GTF3C3: variants seen among roughly 807,000 people sequenced by gnomAD.
GTF3C3 encodes the protein general transcription factor 3C polypeptide 3.
In GTF3C3, 75 loss-of-function variants were observed where a neutral mutation model predicts 105.2. The ratio of observed to expected loss-of-function variants is 0.71; its 90% CI spans 0.59 to 0.86. The LOEUF (loss-of-function observed/expected upper bound fraction) is 0.86, where lower values mean the gene tolerates loss of function less well. Among genes scored for constraint, GTF3C3 ranks in the 40% least tolerant of loss-of-function variants. The pLI is 0.00. For synonymous variants in GTF3C3, 335 were observed against 370.4 expected, an observed-to-expected ratio of 0.90 and a Z score of 1.10; for missense variants, 856 against 1,076.5, an observed-to-expected ratio of 0.80 and a Z score of 2.87.
chr2:196,780,403 T>C, intron 9 of GTF3C3, 156 bp downstream of exon 9: 2 of 1,286,424 alleles, frequency 1.6e-6, no homozygotes, highest in Non-Finnish European at 2.0e-6. Context: ...TTAGTTTTTA[T>C]AAGATATTCA....
At chr2:196,780,702 G>A (rs374447582) in intron 8 of GTF3C3, 40 bp from the exon 9 acceptor site, 145 of 1,585,892 alleles carry the variant, frequency 9.1e-5, no homozygotes, top group Non-Finnish European at 1.7e-5. Context: ...CTATATGCAA[G>A]CTTGAGATGT....
chr2:196,776,641 TTAAAA>T lies in GTF3C3; in HGVS notation c.1391-17_1391-13del. ...GGCCTTTAAACATTCTAAGATGATG[TTAAAA>T]TAAAGCAAAAGTATGAACTACAGAT... On this transcript the variant is annotated splice_polypyrimidine_tract_variant and intron_variant, in intron 10 of 17. Transcript: ENST00000263956. The surrounding 1 kb of genome is among the most constrained non-coding windows in gnomAD (Gnocchi z 4.5). 6.3e-7 allele frequency: 1 copy of T among 1,588,646 alleles called. No homozygotes were observed. The highest frequency in any genetic ancestry group is 8.6e-7 in the Non-Finnish European group (1 of 1,159,520).
chr2:196,793,475 G>A (rs1390690146), intron 2 of GTF3C3, among the ~76,000 whole-genome samples: 1 of 152,112 alleles, frequency 6.6e-6, no homozygotes, highest in Admixed American at 6.5e-5. Context: ...AACTAAACAA[G>A]CCTAGCAGTA....
chr2:196,765,660 T>C (rs1699049294), intron 17 of GTF3C3, among the ~76,000 whole-genome samples: 1 of 150,936 alleles, frequency 6.6e-6, no homozygotes. Flanking sequence ...TAAATTTATA[T>C]ATAAAAACAG....
chr2:196,763,798 A>AAAG lies in GTF3C3; in HGVS notation c.*762_*764dup, dbSNP rs1204284315. The AAAG allele has an allele frequency of 9.2e-5, 14 of 152,366 alleles. No homozygotes were observed. The highest frequency in any genetic ancestry group is 5.8e-4 in the East Asian group (3 of 5,190). 9.4% of individuals were successfully genotyped at this position (152,366 alleles called of 1,614,324 possible). On this transcript the variant is annotated 3_prime_UTR_variant, in exon 18 of 18. Coordinates refer to ENST00000263956, the MANE Select transcript of GTF3C3 (RefSeq NM_012086.5). ...TGGAGATGAGTAAACAAACAAAAAA[A>AAAG]AAGTTTTTTACTTTATCAATCAGCA...
Position 196,764,409 on chromosome 2 carries a change from A to G in GTF3C3, c.*154T>C, listed in dbSNP as rs1699022705. On this transcript the variant is annotated 3_prime_UTR_variant, in exon 18 of 18. Transcript: ENST00000263956. ...GGAATAATTTTGCATATATACCACA[A>G]GATCATTATCACATATTAAAAATAA... 3.0e-6 allele frequency: 2 copies of G among 675,536 alleles called. No homozygotes were observed. Among genetic ancestry groups the G allele is most frequent in the African/African-American group, 3.6e-5 (2 of 55,554 alleles). The allele number at this position is 675,536 out of a possible 1,614,324, so 41.8% of individuals were successfully genotyped here.
intron 6 of GTF3C3, among the ~76,000 whole-genome samples, chr2:196,785,913 C>A (rs184464718): frequency 3.3e-5 from 5 of 152,250 alleles, no homozygotes; most frequent in Admixed American, 2.6e-4. Flanking sequence ...ATTGCCTACA[C>A]CCCGCCTGGG....
At chr2:196,769,862 T>TATTC (rs1699141381) in intron 16 of GTF3C3, 53 bp downstream of exon 16, 1 of 1,435,322 alleles carries the variant, frequency 7.0e-7, no homozygotes, top group Non-Finnish European at 9.7e-7. Context: ...GTATTAAGTA[T>TATTC]ATTCATTTTT....
At position 196,785,488 on chromosome 2, in the gene GTF3C3, C is replaced by A. The variant is rs543355719; in HGVS notation, c.994G>T (p.Ala332Ser). The change falls in exon 7 of 18, where the codon GCA becomes TCA. Residue 332 changes from alanine to serine, a missense_variant. Transcript: ENST00000263956. ...GLVSMEDVNI[A>S]AELYISNKQY... Reference sequence around the variant, plus strand: ...TTGTTAGAAATATATAGTTCAGCTGCTATGTTAACATCTTCCATGGAGACT... The same window carrying A: ...TTGTTAGAAATATATAGTTCAGCTGATATGTTAACATCTTCCATGGAGACT... 1.6e-5 allele frequency: 26 copies of A among 1,610,534 alleles called. No homozygotes were observed. In the South Asian group the frequency reaches 2.9e-4, roughly 18 times the overall value.
chr2:196,799,090 C>T (rs1164479384), intron 1 of GTF3C3: 1 of 160,198 alleles, frequency 6.2e-6, no homozygotes, highest in Non-Finnish European at 1.4e-5. Flanking sequence ...AACAGGAGCT[C>T]AATCGTTCCA....
chr2:196,789,213 TCTCTA>T lies in GTF3C3; in HGVS notation c.879_883del (p.Arg294TyrfsTer7). 1 of 1,605,098 alleles carries T rather than the reference TCTCTA, an allele frequency of 6.2e-7. No homozygotes were observed. Among genetic ancestry groups the T allele is most frequent in the South Asian group, 1.1e-5 (1 of 88,684 alleles). On this transcript the variant is annotated frameshift_variant, in exon 6 of 18. Transcript: ENST00000263956. LOFTEE classifies it high-confidence loss of function. ...TTCACTCCAAACTTACTTTGCCATA[TCTCTA>T]GCCAGCTGCATAAAACGTTCGCCAT...
intron 2 of GTF3C3, among the ~76,000 whole-genome samples, chr2:196,794,393 G>C (rs920990337): frequency 6.6e-6 from 1 of 151,992 alleles, no homozygotes; most frequent in African/African-American, 2.4e-5. Flanking sequence ...AGTATATATA[G>C]AGAGATATAT....
In GTF3C3 at chr2:196,776,633, A is replaced by C; in HGVS notation, c.1391-4T>G. 2 of 1,599,374 alleles carry C rather than the reference A, an allele frequency of 1.3e-6. No homozygotes were observed. The highest frequency in any genetic ancestry group is 1.7e-6 in the Non-Finnish European group (2 of 1,167,932). On this transcript the variant is annotated splice_polypyrimidine_tract_variant and splice_region_variant and intron_variant, in intron 10 of 17. Transcript: ENST00000263956. The surrounding 1 kb of genome is among the most constrained non-coding windows in gnomAD (Gnocchi z 4.5). ...TAGCCTAAGGCCTTTAAACATTCTA[A>C]GATGATGTTAAAATAAAGCAAAAGT...
rs1699518352 is a variant in GTF3C3, at chr2:196,789,952, T to A, written c.654A>T (p.Glu218Asp). ...ACATTTCTGCCAGTCTAACCCATTC[T>A]TCTGTGTCACTGGGATTTAAATGCG... ...IAAHLNPSDT[E>D]EWVRLAEMSL... is the part of the protein sequence containing the mutation. Residue 218 changes from glutamate to aspartate, a missense_variant, in exon 5 of 18, where the codon GAA (glutamate) becomes GAT (aspartate). Physicochemically the swap from Glu to Asp is conservative, Grantham distance 45. Coordinates refer to ENST00000263956, the MANE Select transcript of GTF3C3 (RefSeq NM_012086.5). 1.2e-6 allele frequency: 2 copies of A among 1,613,590 alleles called. No individual in the cohort carries two copies. The highest frequency in any genetic ancestry group is 4.5e-5 in the East Asian group (2 of 44,858).
chr2:196,791,629 A>G (rs886225591), intron 3 of GTF3C3, among the ~76,000 whole-genome samples, 169 bp from the exon 4 acceptor site: 26 of 152,190 alleles, frequency 1.7e-4, no homozygotes, highest in Non-Finnish European at 3.5e-4. Context: ...ACTCTTTAAC[A>G]TTAAAGTTTA....
intron 8 of GTF3C3, among the ~76,000 whole-genome samples, chr2:196,783,370 C>G (rs1259038223): frequency 6.6e-6 from 1 of 152,034 alleles, no homozygotes. Context: ...ATTTCTCTAC[C>G]AAGTTTTCCA....
intron 13 of GTF3C3, among the ~76,000 whole-genome samples, chr2:196,774,263 C>G (rs1699225306): frequency 6.6e-6 from 1 of 152,136 alleles, no homozygotes; most frequent in Admixed American, 6.5e-5. Context: ...TACTACATTA[C>G]TGCTTATAAA....
chr2:196,796,834 C>T (rs1418700062), intron 2 of GTF3C3, among the ~76,000 whole-genome samples: 3 of 152,182 alleles, frequency 2.0e-5, no homozygotes, highest in Admixed American at 1.3e-4. Flanking sequence ...CATGTCCCTG[C>T]AAAGGACATG....
At chr2:196,765,266 A>G (rs1576012840) in intron 17 of GTF3C3, among the ~76,000 whole-genome samples, 1 of 152,292 alleles carries the variant, frequency 6.6e-6, no homozygotes, top group African/African-American at 2.4e-5. Flanking sequence ...AATGGACTAG[A>G]TTAGACCTAT....
Sources: gnomAD v4.1 joint callset for allele counts (sites outside exome capture counted in the v4.1 genomes callset) on GRCh38, gnomAD v4.1.1 for gene constraint, Gnocchi (gnomAD v3.1) non-coding constraint, MANE v1.5 for transcripts, NCBI Gene and HGNC (gene_info 2026-07-23, HGNC 2026-07-21) for gene names.